The following WDPCP variants were observed in gnomAD, a reference collection of about 807,000 sequenced individuals.
The protein encoded by WDPCP is WD repeat-containing and planar cell polarity effector protein fritz homolog.
Under a neutral mutation model 93.1 loss-of-function variants are expected in WDPCP, and 71 were observed. The observed-to-expected ratio is 0.76, with a 90% confidence interval of 0.63 to 0.93. The LOEUF (loss-of-function observed/expected upper bound fraction) is 0.93, where lower values mean the gene tolerates loss of function less well. WDPCP is among the 40% of genes least tolerant of loss of function. The pLI is 0.00. For synonymous variants in WDPCP, 315 were observed against 315.0 expected (o/e 1.00, Z 0.00); for missense variants, 844 against 887.4 (o/e 0.95, Z 0.62).
chr2:63,470,564 A>C (rs1699633021), intron 6 of WDPCP, among the ~76,000 whole-genome samples: 1 of 152,138 alleles, frequency 6.6e-6, no homozygotes, highest in Admixed American at 6.6e-5. Context: ...ATCCAGTCAA[A>C]GCCACCATCA....
intron 2 of WDPCP, among the ~76,000 whole-genome samples, chr2:63,754,231 AGAG>A (rs1669923833): frequency 1.3e-5 from 2 of 152,186 alleles, no homozygotes; most frequent in Non-Finnish European, 2.9e-5. Flanking sequence ...GCAATTCTCT[AGAG>A]AAGAGGGCTA....
At chr2:63,684,087 A>G (rs6546021) in intron 2 of WDPCP, among the ~76,000 whole-genome samples, 63,269 of 151,824 alleles carry the variant, frequency 0.42, 14,491 homozygotes, top group African/African-American at 0.61. Flanking sequence ...TAACAAAGAA[A>G]TATTGAATTT....
At chr2:63,434,308 T>G (rs1463676151) in intron 8 of WDPCP, among the ~76,000 whole-genome samples, 1 of 151,948 alleles carries the variant, frequency 6.6e-6, no homozygotes, top group Non-Finnish European at 1.5e-5. Flanking sequence ...ACCAAGAGAG[T>G]CTCACTACTG....
At chr2:63,349,978 C>T (rs1446040158) in intron 12 of WDPCP, among the ~76,000 whole-genome samples, 2 of 152,152 alleles carry the variant, frequency 1.3e-5, no homozygotes, top group Non-Finnish European at 2.9e-5. Flanking sequence ...CTCCTTAATA[C>T]TGTGTGCTTC....
chr2:63,255,345 G>C (rs1282083305), intron 14 of WDPCP, among the ~76,000 whole-genome samples: 1 of 152,070 alleles, frequency 6.6e-6, no homozygotes, highest in Non-Finnish European at 1.5e-5. Context: ...GTCCTTATTT[G>C]CTGATATGGT....
At position 63,469,457 on chromosome 2, in the gene WDPCP, T is replaced by C. The variant is rs558231904; in HGVS notation, c.384+15147A>G. Reference sequence around the variant, plus strand: ...GACATGGAATCAACCTAGATGCCCATCAGTGGTAGACTGGATAAAGAAAAT... The same window carrying C: ...GACATGGAATCAACCTAGATGCCCACCAGTGGTAGACTGGATAAAGAAAAT... On this transcript the variant is annotated intron_variant, in intron 6 of 17. Coordinates refer to ENST00000272321, the MANE Select transcript of WDPCP (RefSeq NM_015910.7). Among the ~76,000 whole-genome samples the C allele has an allele frequency of 3.8e-4, 58 of 152,348 alleles. 2 individuals carry two copies. The South Asian group carries it at 0.01, about 27-fold the overall frequency.
intron 2 of WDPCP, among the ~76,000 whole-genome samples, chr2:63,689,424 G>A (rs561292306): frequency 3.3e-5 from 5 of 152,218 alleles, no homozygotes; most frequent in South Asian, 4.1e-4. Context: ...AGGGGGCCTC[G>A]AAATATTCTG....
chr2:63,678,126 T>G (rs1004072685), intron 2 of WDPCP, among the ~76,000 whole-genome samples: 1 of 152,190 alleles, frequency 6.6e-6, no homozygotes, highest in Non-Finnish European at 1.5e-5. Context: ...GCCAAATCTA[T>G]GGTATTTGCA....
At chr2:63,450,458 G>T (rs994578589) in intron 6 of WDPCP, among the ~76,000 whole-genome samples, 5 of 152,012 alleles carry the variant, frequency 3.3e-5, no homozygotes, top group Non-Finnish European at 7.4e-5. Context: ...AGCTGCCCGG[G>T]GACTCATGAA....
intron 13 of WDPCP, among the ~76,000 whole-genome samples, chr2:63,283,182 T>G (rs1215122164): frequency 1.3e-5 from 2 of 152,176 alleles, no homozygotes; most frequent in South Asian, 4.1e-4. Flanking sequence ...GCTTGTGGGA[T>G]GCATTTACAA....
chr2:63,819,059 C>G (rs190117489), intron 1 of WDPCP, among the ~76,000 whole-genome samples: 1 of 152,106 alleles, frequency 6.6e-6, no homozygotes, highest in Admixed American at 6.5e-5. Context: ...TATGTTTTCT[C>G]CATATATCAC....
upstream of WDPCP, chr2:63,588,989 T>G: frequency 1.9e-6 from 3 of 1,614,028 alleles, no homozygotes; most frequent in Admixed American, 3.3e-5. Flanking sequence ...AGAGGTGACC[T>G]GACTCTCTGA....
intron 13 of WDPCP, among the ~76,000 whole-genome samples, chr2:63,268,513 C>CTGCA (rs1209248471): frequency 6.6e-6 from 1 of 152,182 alleles, no homozygotes; most frequent in East Asian, 1.9e-4. Flanking sequence ...GTCACCCAGG[C>CTGCA]TGCAGTACAA....
intron 1 of WDPCP, among the ~76,000 whole-genome samples, chr2:63,566,972 C>T (rs1289385740): frequency 1.3e-5 from 2 of 152,102 alleles, no homozygotes; most frequent in Non-Finnish European, 2.9e-5. Flanking sequence ...AAGAGATGCA[C>T]AGGGCAAATG....
At chr2:63,203,987 C>T (rs1676122574) in intron 14 of WDPCP, among the ~76,000 whole-genome samples, 1 of 152,176 alleles carries the variant, frequency 6.6e-6, no homozygotes, top group South Asian at 2.1e-4. Context: ...GTCTTGGCTC[C>T]TGTGAACAAC....
At chr2:63,249,288 T>G (rs556537930) in intron 14 of WDPCP, among the ~76,000 whole-genome samples, 40 of 152,330 alleles carry the variant, frequency 2.6e-4, no homozygotes, top group Non-Finnish European at 5.1e-4. Context: ...TGTGTGTGGC[T>G]TTCTCAATTC....
At chr2:63,305,468 C>A (rs1685658083) in intron 13 of WDPCP, among the ~76,000 whole-genome samples, 1 of 152,154 alleles carries the variant, frequency 6.6e-6, no homozygotes, top group Non-Finnish European at 1.5e-5. Context: ...AAGGGCCTGA[C>A]TACTAGAAGG....
At chr2:63,715,679 CA>C (rs1277726701) in intron 2 of WDPCP, among the ~76,000 whole-genome samples, 1 of 152,118 alleles carries the variant, frequency 6.6e-6, no homozygotes, top group Non-Finnish European at 1.5e-5. Context: ...AAGAATCTTG[CA>C]ATTAGTGATC....
At chr2:63,192,290 A>C (rs1170221608) in intron 14 of WDPCP, among the ~76,000 whole-genome samples, 1 of 152,184 alleles carries the variant, frequency 6.6e-6, no homozygotes, top group Non-Finnish European at 1.5e-5. Flanking sequence ...TCATTTGTTC[A>C]ACAAAAGTGC....
Sources: gnomAD v4.1 joint callset for allele counts (sites outside exome capture counted in the v4.1 genomes callset) on GRCh38, gnomAD v4.1.1 for gene constraint, MANE v1.5 for transcripts, NCBI Gene and HGNC (gene_info 2026-07-23, HGNC 2026-07-21) for gene names.